FBRSL1: variants seen among roughly 807,000 people sequenced by gnomAD.
FBRSL1 encodes fibrosin-1-like protein.
In FBRSL1, 51 loss-of-function variants were observed where a neutral mutation model predicts 89.6. The observed-to-expected ratio is 0.57, with a 90% CI of 0.45 to 0.72. The LOEUF (loss-of-function observed/expected upper bound fraction) is 0.72, where lower values mean the gene tolerates loss of function less well. Ranked by LOEUF, FBRSL1 falls within the 30% of genes least tolerant of loss-of-function variation. The pLI is 0.00. For missense variants in FBRSL1, 1,618 were observed against 1,451.8 expected, an observed-to-expected ratio of 1.11 and a Z score of -1.86; for synonymous variants, 779 against 681.1, an observed-to-expected ratio of 1.14 and a Z score of -2.24.
chr12:132,501,613 G>A (rs115085710), intron 1 of FBRSL1, among the ~76,000 whole-genome samples: 1,728 of 152,284 alleles, frequency 0.011, 30 homozygotes, highest in African/African-American at 0.038. Flanking sequence ...CCTTCCGCTC[G>A]GGGCCCAAGG....
intron 1 of FBRSL1, among the ~76,000 whole-genome samples, chr12:132,505,133 A>G (rs2033521652): frequency 6.6e-6 from 1 of 152,182 alleles, no homozygotes. Flanking sequence ...CTCAAAAACA[A>G]AAAGATAAGC....
At position 132,490,429 on chromosome 12, in the gene FBRSL1, CCCGCCGCCCG is replaced by C. The variant is rs1208537514; in HGVS notation, c.-132_-123del. 1.9e-6 allele frequency: 1 copy of C among 520,076 alleles called. No individual in the cohort carries two copies. The highest frequency in any genetic ancestry group is 2.2e-5 in the African/African-American group (1 of 46,232). The allele number at this position is 520,076 out of a possible 1,614,324, so 32.2% of individuals were successfully genotyped here. The stretch of plus-strand genomic sequence containing the variant: ...CCCGCGCCCGGCATGCCCGGCCCGG[CCCGCCGCCCG>C]CCGCCGCCCAGGGCCCGAGCCCGCG... On this transcript the variant is annotated 5_prime_UTR_variant, in exon 1 of 19. The change abolishes the stop of an existing upstream ORF in the 5' untranslated region. Coordinates refer to ENST00000680143, the MANE Select transcript of FBRSL1 (RefSeq NM_001367871.1).
chr12:132,509,676 T>G (rs887889931), intron 2 of FBRSL1: 38 of 1,231,466 alleles, frequency 3.1e-5, no homozygotes, highest in Non-Finnish European at 3.7e-5. Flanking sequence ...AAGGCACCGC[T>G]GCAGGCGCCT....
chr12:132,583,187 G>A lies in FBRSL1; in HGVS notation c.2418G>A (p.Lys806=). The change falls in exon 19 of 19, where the codon AAG becomes AAA. Residue 806 remains lysine, a synonymous_variant. Coordinates refer to ENST00000680143, the MANE Select transcript of FBRSL1 (RefSeq NM_001367871.1). ...MPARASPPHS[K]AAPGDVKVKE... is the part of the protein sequence containing the mutation. ...CGCGCGCATCCCCGCCCCACAGCAA[G>A]GCGGCCCCTGGAGACGTGAAGGTCA... 6.9e-7 allele frequency: 1 copy of A among 1,450,698 alleles called. No individual in the cohort carries two copies. Among genetic ancestry groups the A allele is most frequent in the African/African-American group, 1.5e-5 (1 of 67,190 alleles). 89.9% of individuals were successfully genotyped at this position (1,450,698 alleles called of 1,614,324 possible).
chr12:132,503,020 G>T (rs2033211073), intron 1 of FBRSL1, among the ~76,000 whole-genome samples: 1 of 151,854 alleles, frequency 6.6e-6, no homozygotes, highest in African/African-American at 2.4e-5. Context: ...GCTCTTCCCG[G>T]CCCGCACAGG....
intron 5 of FBRSL1, among the ~76,000 whole-genome samples, chr12:132,559,582 C>CG: frequency 6.6e-6 from 1 of 150,888 alleles, no homozygotes; most frequent in South Asian, 2.1e-4. Flanking sequence ...TAGAGACGGG[C>CG]GGGGGTGGGG....
Position 132,508,336 on chromosome 12 carries a change from C to T in FBRSL1, c.475C>T (p.Gln159Ter). Residue 159 changes from glutamine to a stop codon, truncating the protein, a stop_gained, in exon 2 of 19, where the codon CAG (glutamine) becomes TAG (stop). Coordinates refer to ENST00000680143, the MANE Select transcript of FBRSL1 (RefSeq NM_001367871.1). LOFTEE classifies it high-confidence loss of function. ...CGATGGGGCGAGAAAGGTCCCACTG[C>T]AGCCCTCCAAGCAGGTGAGCAGGTC... ...ACDGARKVPL[Q>*]PSKQMKVTVS... The T allele has an allele frequency of 6.5e-7, 1 of 1,532,634 alleles. No homozygotes were observed. The highest frequency in any genetic ancestry group is 2.0e-5 in the Admixed American group (1 of 49,162). The allele number at this position is 1,532,634 out of a possible 1,614,324, so 94.9% of individuals were successfully genotyped here.
intron 2 of FBRSL1, among the ~76,000 whole-genome samples, chr12:132,524,011 C>T (rs2035581435): frequency 6.6e-6 from 1 of 152,210 alleles, no homozygotes; most frequent in Non-Finnish European, 1.5e-5. Context: ...CAACAGTGAC[C>T]CCTGGTGGCC....
At chr12:132,511,671 C>T in intron 2 of FBRSL1, 10 of 985,484 alleles carry the variant, frequency 1.0e-5, no homozygotes, top group Non-Finnish European at 1.2e-5. Flanking sequence ...AGCTGGGCTG[C>T]CTCAGGTGTC....
intron 2 of FBRSL1, among the ~76,000 whole-genome samples, chr12:132,520,410 A>C (rs913903533): frequency 6.6e-6 from 1 of 152,184 alleles, no homozygotes; most frequent in Non-Finnish European, 1.5e-5. Flanking sequence ...TGACCCCGGA[A>C]CTGGGTCACT....
rs373932534 is a variant in FBRSL1 at position 132,572,500 on chromosome 12, C to G, written c.1435-27C>G. On this transcript the variant is annotated intron_variant, in intron 10 of 18. Transcript: ENST00000680143. Reference sequence around the variant, plus strand: ...GGGTGGGGTGAGGACTTGGGCCCCCCCTCCATCCGCTCTCCTTCTCTTACA... The same window carrying G: ...GGGTGGGGTGAGGACTTGGGCCCCCGCTCCATCCGCTCTCCTTCTCTTACA... 1.4e-3 allele frequency: 2,205 copies of G among 1,531,466 alleles called. 5 individuals carry two copies. The highest frequency in any genetic ancestry group is 1.4e-3 in the Non-Finnish European group (1,541 of 1,128,774). 94.9% of individuals were successfully genotyped at this position (1,531,466 alleles called of 1,614,324 possible). A position where few individuals can be genotyped will look rare whatever the true frequency, so the allele number is the denominator to read the frequency against.
In FBRSL1 at chr12:132,582,988, C is replaced by T. The variant is rs1019478538; in HGVS notation, c.2219C>T (p.Thr740Met). 5.0e-5 allele frequency: 72 copies of T among 1,444,160 alleles called. No individual in the cohort carries two copies. Among genetic ancestry groups the T allele is most frequent in the African/African-American group, 7.5e-5 (5 of 66,536 alleles). 89.5% of individuals were successfully genotyped at this position (1,444,160 alleles called of 1,614,324 possible). ...GCCCCCAGGGACCTCCTGGAGAAGA[C>T]GCGCCTGCTGAGCCGGGCCTCGCCC... ...EEQERDLLEK[T>M]RLLSRASPAT... The change falls in exon 19 of 19, where the codon ACG becomes ATG. Residue 740 changes from threonine (T) to methionine (M), a missense_variant. Transcript: ENST00000680143.
intron 2 of FBRSL1, among the ~76,000 whole-genome samples, chr12:132,512,688 G>A (rs2034475465): frequency 6.6e-6 from 1 of 152,242 alleles, no homozygotes; most frequent in Non-Finnish European, 1.5e-5. Flanking sequence ...TCTGGGGCAG[G>A]CCTGAACGGG....
intron 5 of FBRSL1, chr12:132,550,966 G>T: frequency 4.3e-6 from 1 of 232,014 alleles, no homozygotes; most frequent in Non-Finnish European, 8.8e-6. Flanking sequence ...ACACAGAGGC[G>T]TAGGCAGGTG....
At chr12:132,564,819 CGGGGTTTCACCGTGTTGGCCAGGAT>C (rs2039474492) in intron 5 of FBRSL1, among the ~76,000 whole-genome samples, 1 of 147,310 alleles carries the variant, frequency 6.8e-6, no homozygotes, top group African/African-American at 2.6e-5. Flanking sequence ...TTAGTAGAGA[CGGGGTTTCACCGTGTTGGCCAGGAT>C]GGTCTCGATC....
At position 132,546,994 on chromosome 12, in the gene FBRSL1, C is replaced by T. The variant is rs550838533; in HGVS notation, c.616-1009C>T. 1.3e-5 allele frequency among the ~76,000 whole-genome samples: 2 copies of T among 152,378 alleles called. No individual in the cohort carries two copies. The highest frequency in any genetic ancestry group is 3.9e-4 in the East Asian group (2 of 5,188). ...CACACATCCGGCTGGCACTCACCAC[C>T]CTCCGTGCACTGGGGGGTTTATTCT... On this transcript the variant is annotated intron_variant, in intron 4 of 18. Transcript: ENST00000680143. This position sits in a 1 kb window ranked among gnomAD's most constrained non-coding sequence, Gnocchi z 4.0.
rs1353542444 is a variant in FBRSL1, at chr12:132,582,504, G to A, written c.2201+238G>A. Among the ~76,000 whole-genome samples, 5 of 151,580 alleles carry A rather than the reference G, an allele frequency of 3.3e-5. No homozygotes were observed. In the South Asian group the frequency reaches 6.3e-4, roughly 19 times the overall value. On this transcript the variant is annotated intron_variant, in intron 18 of 18. Transcript: ENST00000680143. Reference sequence around the variant, plus strand: ...GCTCTGCTGAGCCCCGGGGTACGGGGGCCAAAGCTCTGCTCCCCGGCGACT... The same window carrying A: ...GCTCTGCTGAGCCCCGGGGTACGGGAGCCAAAGCTCTGCTCCCCGGCGACT...
intron 1 of FBRSL1, among the ~76,000 whole-genome samples, chr12:132,500,766 G>A (rs2032836054): frequency 6.6e-6 from 1 of 152,040 alleles, no homozygotes; most frequent in South Asian, 2.1e-4. Context: ...CCCAGGCCCT[G>A]CAGACTCCGT....
At chr12:132,582,386 CG>C (rs2040827461) in intron 18 of FBRSL1, 120 bp downstream of exon 18, 2 of 723,006 alleles carry the variant, frequency 2.8e-6, no homozygotes, top group East Asian at 2.7e-5. Context: ...TCTCCCTCAC[CG>C]TTCCCCCTCC....
Sources: allele counts gnomAD v4.1 joint callset (sites outside exome capture counted in the v4.1 genomes callset), GRCh38; gene constraint gnomAD v4.1.1; non-coding constraint Gnocchi (gnomAD v3.1); transcripts MANE v1.5; gene names NCBI Gene and HGNC (gene_info 2026-07-23, HGNC 2026-07-21).